Variants in RESF1 observed in about 807,000 individuals in gnomAD.
RESF1 encodes gonad expressed transcript.
In RESF1, 65 loss-of-function variants were observed where a neutral mutation model predicts 134.7. The ratio of observed to expected loss-of-function variants is 0.48; its 90% CI spans 0.40 to 0.59. RESF1 has a LOEUF of 0.59. Among genes scored for constraint, RESF1 ranks in the 20% least tolerant of loss-of-function variants. RESF1 has a pLI of 0.00. For synonymous variants in RESF1, 762 were observed against 702.2 expected (o/e 1.09, Z -1.35); for missense variants, 2,274 against 2,002.7 (o/e 1.14, Z -2.59).
chr12:31,963,835 A>G (rs981882333), intron 2 of RESF1, among the ~76,000 whole-genome samples: 1 of 152,196 alleles, frequency 6.6e-6, no homozygotes, highest in African/African-American at 2.4e-5. Context: ...GCATGTTTTC[A>G]AGGCTCATTT....
intron 4 of RESF1, among the ~76,000 whole-genome samples, chr12:31,986,910 T>A (rs1211611600): frequency 6.6e-6 from 1 of 152,186 alleles, no homozygotes; most frequent in Non-Finnish European, 1.5e-5. Context: ...CCTTGGAATT[T>A]GAGGTGGGGA....
At chr12:31,960,245 A>G (rs766338205) in intron 1 of RESF1, among the ~76,000 whole-genome samples, 1 of 152,164 alleles carries the variant, frequency 6.6e-6, no homozygotes, top group African/African-American at 2.4e-5. Context: ...CATTTCCGTG[A>G]AAACAATTTA....
chr12:31,963,279 AG>A (rs1490409860), intron 2 of RESF1, among the ~76,000 whole-genome samples: 1 of 151,088 alleles, frequency 6.6e-6, no homozygotes, highest in African/African-American at 2.4e-5. Context: ...CCAGGAGGGG[AG>A]GTTGCAGTGA....
At chr12:31,965,858 T>C (rs1939386771) in intron 2 of RESF1, among the ~76,000 whole-genome samples, 2 of 145,382 alleles carry the variant, frequency 1.4e-5, no homozygotes, top group Admixed American at 1.4e-4. Context: ...GCCACTGCAC[T>C]CTAGCCTGGT....
intron 2 of RESF1, among the ~76,000 whole-genome samples, chr12:31,966,544 A>G (rs2120768966): frequency 6.6e-6 from 1 of 152,346 alleles, no homozygotes. Flanking sequence ...TGGCCAGTCA[A>G]GATGTGTGAT....
chr12:31,975,117 A>G (rs867510908), intron 3 of RESF1, among the ~76,000 whole-genome samples: 13 of 152,068 alleles, frequency 8.5e-5, no homozygotes, highest in Middle Eastern at 3.2e-3. Context: ...TAGCAAAAAT[A>G]TAAAAAATGA....
chr12:31,989,826 T>C (rs1940058902), intron 5 of RESF1, among the ~76,000 whole-genome samples: 3 of 152,002 alleles, frequency 2.0e-5, no homozygotes, highest in Non-Finnish European at 4.4e-5. Flanking sequence ...CACTCCAGCT[T>C]GGGCGACAGA....
At chr12:31,980,724 ATTG>A (rs1939762742) in intron 3 of RESF1, among the ~76,000 whole-genome samples, 151 bp from the exon 4 acceptor site, 1 of 152,186 alleles carries the variant, frequency 6.6e-6, no homozygotes, top group African/African-American at 2.4e-5. Flanking sequence ...TGCCTTATTT[ATTG>A]TTGTATCCTC....
chr12:31,976,936 AT>A (rs1939648909), intron 3 of RESF1, among the ~76,000 whole-genome samples: 1 of 152,044 alleles, frequency 6.6e-6, no homozygotes. Flanking sequence ...CTTCATGCTT[AT>A]TTTTTATTGA....
chr12:31,986,329 C>T (rs894680909), intron 4 of RESF1, among the ~76,000 whole-genome samples: 8 of 152,114 alleles, frequency 5.3e-5, no homozygotes, highest in African/African-American at 1.9e-4. Context: ...GTTAATTCTC[C>T]TTTGGACTTG....
At chr12:31,977,244 GACCTCGGCTCACTGCA>G (rs1428927787) in intron 3 of RESF1, among the ~76,000 whole-genome samples, 2 of 152,008 alleles carry the variant, frequency 1.3e-5, no homozygotes, top group Non-Finnish European at 2.9e-5. Context: ...GCGGTGGTGC[GACCTCGGCTCACTGCA>G]ACCTCCGCCT....
Position 31,983,308 on chromosome 12 carries a change from C to A in RESF1, c.2353C>A (p.Pro785Thr). ...SVKGITPAVL[P>T]ETVYPVIKEG... ...CAAAGGAATAACACCTGCAGTGTTA[C>A]CTGAAACAGTGTATCCCGTTATTAA... The change falls in exon 4 of 6, where the codon CCT (proline) becomes ACT (threonine). Residue 785 changes from proline (P) to threonine (T), a missense_variant. Transcript: ENST00000312561. 1 of 1,613,944 alleles carries A rather than the reference C, an allele frequency of 6.2e-7. No homozygotes were observed. The highest frequency in any genetic ancestry group is 8.5e-7 in the Non-Finnish European group (1 of 1,179,924).
chr12:31,978,977 G>A (rs1033079530), intron 3 of RESF1, among the ~76,000 whole-genome samples: 10 of 147,626 alleles, frequency 6.8e-5, no homozygotes, highest in Middle Eastern at 3.7e-3. Flanking sequence ...CTGGAGTGCA[G>A]TGGCGCCATC....
At chr12:31,964,376 G>T (rs1298777595) in intron 2 of RESF1, among the ~76,000 whole-genome samples, 3 of 152,030 alleles carry the variant, frequency 2.0e-5, no homozygotes. Context: ...TCCCACTTAT[G>T]TGTGAAAGCA....
chr12:31,978,368 C>T (rs1939684780), intron 3 of RESF1, among the ~76,000 whole-genome samples: 1 of 152,010 alleles, frequency 6.6e-6, no homozygotes, highest in African/African-American at 2.4e-5. Context: ...GTGTTTTCCT[C>T]TCTGCTTATA....
chr12:31,992,669 T>C lies in RESF1; in HGVS notation c.*134T>C. ...TGGTTCCCACTTTCATTGTATTTCA[T>C]TGAAAGTGCTTAATTAAAATGGCTT... is the stretch of plus-strand genomic sequence containing the variant. On this transcript the variant is annotated 3_prime_UTR_variant, in exon 6 of 6. Transcript: ENST00000312561. 1 of 902,040 alleles carries C rather than the reference T, an allele frequency of 1.1e-6. No individual in the cohort carries two copies. The highest frequency in any genetic ancestry group is 1.8e-6 in the Non-Finnish European group (1 of 569,106). 55.9% of individuals were successfully genotyped at this position (902,040 alleles called of 1,614,324 possible). A position where few individuals can be genotyped will look rare whatever the true frequency, so the allele number is the denominator to read the frequency against.
Position 31,962,092 on chromosome 12 carries a change from C to T in RESF1, c.-247+1221C>T, listed in dbSNP as rs774101419. Among the ~76,000 whole-genome samples the T allele has an allele frequency of 7.2e-5, 11 of 152,172 alleles. No homozygotes were observed. The South Asian group carries it at 8.3e-4, about 11-fold the overall frequency. On this transcript the variant is annotated intron_variant, in intron 2 of 5. Transcript: ENST00000312561. ...TTTACTAATAATAACAAAAATTAGT[C>T]GGGCGTGGTGGCACATGCCTGTAAT...
At chr12:31,979,730 A>G (rs1306674694) in intron 3 of RESF1, among the ~76,000 whole-genome samples, 2 of 146,958 alleles carry the variant, frequency 1.4e-5, no homozygotes, top group Non-Finnish European at 3.0e-5. Context: ...TTTTTTTTTT[A>G]ATTTTCAGTA....
In RESF1 at chr12:31,981,164, C is replaced by T; in HGVS notation, c.209C>T (p.Pro70Leu). 1 of 1,614,024 alleles carries T rather than the reference C, an allele frequency of 6.2e-7. No individual in the cohort carries two copies. The highest frequency in any genetic ancestry group is 1.3e-5 in the African/African-American group (1 of 75,032). The change falls in exon 4 of 6, where the codon CCT (proline) becomes CTT (leucine). Residue 70 changes from proline to leucine, a missense_variant. Pro to Leu is a moderately conservative substitution (Grantham distance 98). Coordinates refer to ENST00000312561, the MANE Select transcript of RESF1 (RefSeq NM_018169.4). ...SQPLLNIQNY[P>L]QQISVSDMHN... Reference sequence around the variant, plus strand: ...CCACTGCTGAATATCCAAAATTATCCTCAACAAATTTCTGTTTCTGATATG... The same window carrying T: ...CCACTGCTGAATATCCAAAATTATCTTCAACAAATTTCTGTTTCTGATATG...
Sources: gnomAD v4.1 joint callset for allele counts (sites outside exome capture counted in the v4.1 genomes callset) on GRCh38, gnomAD v4.1.1 for gene constraint, MANE v1.5 for transcripts, NCBI Gene and HGNC (gene_info 2026-07-23, HGNC 2026-07-21) for gene names.